Variants in SPTAN1 observed in about 807,000 individuals in gnomAD.
SPTAN1 encodes spectrin alpha, non-erythrocytic 1.
In SPTAN1, 61 loss-of-function variants were observed where a neutral mutation model predicts 331.3. The observed-to-expected ratio is 0.18, with a 90% CI of 0.15 to 0.23. The LOEUF (loss-of-function observed/expected upper bound fraction) is 0.23, where lower values mean the gene tolerates loss of function less well. Ranked by LOEUF, SPTAN1 falls within the 10% of genes least tolerant of loss-of-function variation. The pLI, the probability that SPTAN1 is intolerant of heterozygous loss-of-function variation, is 1.00. For missense variants in SPTAN1, 2,043 were observed against 3,147.9 expected, an observed-to-expected ratio of 0.65 and a Z score of 8.40; for synonymous variants, 1,153 against 1,173.9, an observed-to-expected ratio of 0.98 and a Z score of 0.36.
At chr9:128,565,670 T>G (rs1849945088) in intron 1 of SPTAN1, among the ~76,000 whole-genome samples, 2 of 152,250 alleles carry the variant, frequency 1.3e-5, no homozygotes, top group African/African-American at 4.8e-5. Flanking sequence ...ACAGGTTTCA[T>G]TCCTAACTCT....
intron 1 of SPTAN1, among the ~76,000 whole-genome samples, chr9:128,556,207 C>G (rs944293381): frequency 3.1e-4 from 47 of 151,250 alleles, no homozygotes; most frequent in African/African-American, 1.1e-3. Context: ...GGTGACAGTG[C>G]GAGACTCTGT....
chr9:128,590,553 AG>A lies in SPTAN1; in HGVS notation c.3007-923del, dbSNP rs202050820. ...ACCTCATCTCTATTTATATTAAAAA[AG>A]AAAAAAAAAAAAAAGGGCCAGGCGT... On this transcript the variant is annotated intron_variant, in intron 21 of 56. Coordinates refer to ENST00000372739, the MANE Select transcript of SPTAN1 (RefSeq NM_001130438.3). 1.0e-2 allele frequency among the ~76,000 whole-genome samples: 1,362 copies of A among 136,206 alleles called. 69 individuals carry two copies. Among genetic ancestry groups the A allele is most frequent in the African/African-American group, 0.03 (978 of 32,320 alleles). The allele number at this position is 136,206 out of a possible 152,430, so 89.4% of individuals were successfully genotyped here. A position where few individuals can be genotyped will look rare whatever the true frequency, so the allele number is the denominator to read the frequency against.
chr9:128,621,113 A>G (rs1471756849), intron 44 of SPTAN1, 45 bp from the exon 45 acceptor site: 2 of 1,573,272 alleles, frequency 1.3e-6, no homozygotes. Flanking sequence ...AGCCCACAAC[A>G]CATAGCAGGC....
At position 128,631,190 on chromosome 9, in the gene SPTAN1, A is replaced by G. The variant is rs1387032141; in HGVS notation, c.6762+815A>G. On this transcript the variant is annotated intron_variant, in intron 52 of 56. Coordinates refer to ENST00000372739, the MANE Select transcript of SPTAN1 (RefSeq NM_001130438.3). Reference sequence around the variant, plus strand: ...AAAGTCTTTGGGGCTGGGTGTGGTGACTTACACCTGTAATCCCAGCACTTT... The same window carrying G: ...AAAGTCTTTGGGGCTGGGTGTGGTGGCTTACACCTGTAATCCCAGCACTTT... 4.5e-4 allele frequency among the ~76,000 whole-genome samples: 68 copies of G among 150,910 alleles called. 1 individual carries two copies. Among genetic ancestry groups the G allele is most frequent in the Non-Finnish European group, 1.5e-5 (1 of 67,776 alleles).
chr9:128,630,068 G>A (rs1053032199), intron 51 of SPTAN1: 20 of 665,132 alleles, frequency 3.0e-5, no homozygotes, highest in Non-Finnish European at 5.6e-5. Flanking sequence ...CCTGGCCTTG[G>A]GAGCAAGACG....
chr9:128,611,646 C>A (rs2131674221), intron 37 of SPTAN1, 68 bp from the exon 38 acceptor site: 1 of 1,594,592 alleles, frequency 6.3e-7, no homozygotes, highest in South Asian at 1.1e-5. Flanking sequence ...CCTCTGAGAA[C>A]CCCTTCCCCC....
At position 128,598,436 on chromosome 9, in the gene SPTAN1, A is replaced by G; in HGVS notation, c.3451A>G (p.Asn1151Asp). Residue 1151 changes from asparagine to aspartate, a missense_variant, in exon 25 of 57, where the codon AAC becomes GAC. This residue lies in a region of SPTAN1 where 1,038 missense variants were observed against 1,531.5 expected (regional missense o/e 0.68). Coordinates refer to ENST00000372739, the MANE Select transcript of SPTAN1 (RefSeq NM_001130438.3). ...CAATGAGTCACGGTTGAAGGACATT[A>G]ACAAGGTAGCTGAAGACCTGGAGTC... ...KANESRLKDI[N>D]KVAEDLESEG... The G allele has an allele frequency of 6.2e-7, 1 of 1,613,478 alleles. No homozygotes were observed. The highest frequency in any genetic ancestry group is 2.2e-5 in the East Asian group (1 of 44,874).
In SPTAN1 at chr9:128,598,965, A is replaced by T; in HGVS notation, c.3522A>T (p.Glu1174Asp). 1 of 1,613,838 alleles carries T rather than the reference A, an allele frequency of 6.2e-7. No homozygotes were observed. Among genetic ancestry groups the T allele is most frequent in the Non-Finnish European group, 8.5e-7 (1 of 1,179,758 alleles). Reference sequence around the variant, plus strand: ...CTGGTTTCTCTCTCTCCTTGTAGGAAGTGTATGGCATGATGCCCAGGGTAA... The same window carrying T: ...CTGGTTTCTCTCTCTCCTTGTAGGATGTGTATGGCATGATGCCCAGGGTAA... ...AEEVQAVQQQ[E>D]VYGMMPRDET... The change falls in exon 26 of 57, where the codon GAA becomes GAT. Residue 1174 changes from glutamate (E) to aspartate (D), a missense_variant and splice_region_variant. Coordinates refer to ENST00000372739, the MANE Select transcript of SPTAN1 (RefSeq NM_001130438.3).
At position 128,583,060 on chromosome 9, in the gene SPTAN1, C is replaced by A; in HGVS notation, c.1807-17C>A. ...CTCAGGTTCAAGATAGAAAGAACCC[C>A]CTTCTTTTATTCACAGGATCCATCC... On this transcript the variant is annotated splice_polypyrimidine_tract_variant and intron_variant, in intron 14 of 56. Coordinates refer to ENST00000372739, the MANE Select transcript of SPTAN1 (RefSeq NM_001130438.3). 6.2e-7 allele frequency: 1 copy of A among 1,612,532 alleles called. No individual in the cohort carries two copies. The highest frequency in any genetic ancestry group is 1.1e-5 in the South Asian group (1 of 91,010).
In SPTAN1 at chr9:128,621,066, A is replaced by G. The variant is rs1026835833; in HGVS notation, c.5734-92A>G. On this transcript the variant is annotated intron_variant, in intron 44 of 56. Coordinates refer to ENST00000372739, the MANE Select transcript of SPTAN1 (RefSeq NM_001130438.3). ...GACTGTAATGTGTGCATGGACAGGG[A>G]CCATAGCAGTTTTGTCACTCTCTGT... 9.1e-6 allele frequency: 9 copies of G among 984,540 alleles called. No individual in the cohort carries two copies. The African/African-American group carries it at 1.4e-4, about 16-fold the overall frequency. 61.0% of individuals were successfully genotyped at this position (984,540 alleles called of 1,614,324 possible). A position where few individuals can be genotyped will look rare whatever the true frequency, so the allele number is the denominator to read the frequency against.
Position 128,587,674 on chromosome 9 carries a change from G to T in SPTAN1, c.2847G>T (p.Leu949Phe), listed in dbSNP as rs1338846637. The change falls in exon 20 of 57, where the codon TTG becomes TTT. Residue 949 changes from leucine to phenylalanine, a missense_variant. By Grantham distance (22) the Leu-to-Phe change is conservative (BLOSUM62 0). Transcript: ENST00000372739. ...LSAYGSSIQA[L>F]REQAQSCRQQ... ...CCTACGGCAGCAGCATCCAGGCTTT[G>T]CGAGAACAAGCACAGTCCTGCCGGG... is the stretch of plus-strand genomic sequence containing the variant. The T allele has an allele frequency of 2.5e-6, 4 of 1,614,050 alleles. No individual in the cohort carries two copies. Among genetic ancestry groups the T allele is most frequent in the Non-Finnish European group, 1.7e-6 (2 of 1,179,980 alleles).
At chr9:128,561,389 C>T (rs774632692) in intron 1 of SPTAN1, among the ~76,000 whole-genome samples, 12 of 148,344 alleles carry the variant, frequency 8.1e-5, no homozygotes, top group Non-Finnish European at 1.2e-4. Flanking sequence ...AAAGGCCAGG[C>T]GCGGTGGCTC....
chr9:128,582,452 A>G (rs928306230), intron 12 of SPTAN1, 27 bp from the exon 13 acceptor site: 20 of 1,609,434 alleles, frequency 1.2e-5, no homozygotes, highest in Middle Eastern at 3.3e-4. Flanking sequence ...GTGCTTACCA[A>G]TGAAGAACTC....
In SPTAN1 at chr9:128,580,906, C is replaced by A. The variant is rs369547180; in HGVS notation, c.1324-16C>A. 6.2e-7 allele frequency: 1 copy of A among 1,612,336 alleles called. No homozygotes were observed. Among genetic ancestry groups the A allele is most frequent in the East Asian group, 2.2e-5 (1 of 44,882 alleles). ...GCTGACCTCATCTCCCTGACCATGTCTCCTATGCCCCCAAGCTGACCGTCC... is the reference window on the plus strand; with the variant it reads ...GCTGACCTCATCTCCCTGACCATGTATCCTATGCCCCCAAGCTGACCGTCC... On this transcript the variant is annotated splice_polypyrimidine_tract_variant and intron_variant, in intron 10 of 56. Transcript: ENST00000372739.
In SPTAN1 at chr9:128,625,536, C is replaced by T. The variant is rs1469033104; in HGVS notation, c.6070-233C>T. On this transcript the variant is annotated intron_variant, in intron 47 of 56. Transcript: ENST00000372739. This position sits in a 1 kb window ranked among gnomAD's most constrained non-coding sequence, Gnocchi z 4.1. ...GTTCTGGGCAGAGCTGGCAGGGATC[C>T]CTGGGGCGGGAGAGCGGAAGGCTGG... is the stretch of plus-strand genomic sequence containing the variant. Among the ~76,000 whole-genome samples, 2 of 152,086 alleles carry T rather than the reference C, an allele frequency of 1.3e-5. No individual in the cohort carries two copies. The highest frequency in any genetic ancestry group is 1.5e-5 in the Non-Finnish European group (1 of 68,006).
At chr9:128,626,359 G>A (rs756550173) in intron 48 of SPTAN1, 32 bp from the exon 49 acceptor site, 101 of 1,611,286 alleles carry the variant, frequency 6.3e-5, no homozygotes, top group Admixed American at 2.0e-4. Flanking sequence ...CAGCCCTGGC[G>A]ACTCCGCCAA....
rs145870898 is a variant in SPTAN1 at position 128,583,801 on chromosome 9, T to C, written c.2025T>C (p.Arg675=). The C allele has an allele frequency of 3.0e-5, 49 of 1,614,254 alleles. No individual in the cohort carries two copies. The African/African-American group carries it at 5.7e-4, about 19-fold the overall frequency. The change falls in exon 16 of 57, where the codon CGT becomes CGC. Residue 675 remains arginine, a synonymous_variant. Transcript: ENST00000372739. ...EATELKGIKL[R]EANQQQQFNR... ...TTTCTTCCATAGGAATAAAGCTTCGTGAAGCCAACCAGCAACAGCAATTTA... is the reference window on the plus strand; with the variant it reads ...TTTCTTCCATAGGAATAAAGCTTCGCGAAGCCAACCAGCAACAGCAATTTA...
rs1858977210 is a variant in SPTAN1 at position 128,627,688 on chromosome 9, G to C, written c.6689+190G>C. On this transcript the variant is annotated intron_variant, in intron 50 of 56. Transcript: ENST00000372739. The surrounding 1 kb of genome is among the most constrained non-coding windows in gnomAD (Gnocchi z 4.9). ...GGGGCATAGGTGGAGCAGCCTCTCA[G>C]TGCTGCATGTCCCAGACATCAAGTT... The C allele has an allele frequency of 1.3e-6, 1 of 781,390 alleles. No homozygotes were observed. Among genetic ancestry groups the C allele is most frequent in the African/African-American group, 1.7e-5 (1 of 59,124 alleles). 48.4% of individuals were successfully genotyped at this position (781,390 alleles called of 1,614,324 possible). A position where few individuals can be genotyped will look rare whatever the true frequency, so the allele number is the denominator to read the frequency against.
intron 24 of SPTAN1, among the ~76,000 whole-genome samples, chr9:128,596,788 T>A (rs565224976): frequency 6.6e-6 from 1 of 152,318 alleles, no homozygotes; most frequent in South Asian, 2.1e-4. Flanking sequence ...ACTCCTGTGC[T>A]CAAGTGATCC....
Sources: allele counts gnomAD v4.1 joint callset (sites outside exome capture counted in the v4.1 genomes callset), GRCh38; gene constraint gnomAD v4.1.1; regional missense constraint gnomAD v4.1.1; non-coding constraint Gnocchi (gnomAD v3.1); transcripts MANE v1.5; gene names NCBI Gene and HGNC (gene_info 2026-07-23, HGNC 2026-07-21).